The following ADGRB3 variants were observed in gnomAD, a reference collection of about 807,000 sequenced individuals.
ADGRB3 encodes the protein adhesion G protein-coupled receptor B3.
ADGRB3 carries 37 observed loss-of-function variants against 193.4 expected under a neutral mutation model. The ratio of observed to expected loss-of-function variants is 0.19; its 90% CI spans 0.15 to 0.25. The LOEUF is 0.25. ADGRB3 is among the 10% of genes least tolerant of loss of function. The pLI is 1.00. For missense variants in ADGRB3, 1,637 were observed against 1,852.9 expected, an observed-to-expected ratio of 0.88 and a Z score of 2.14; for synonymous variants, 690 against 644.2, an observed-to-expected ratio of 1.07 and a Z score of -1.08.
chr6:68,926,173 A>G (rs1767175276), intron 3 of ADGRB3, among the ~76,000 whole-genome samples: 1 of 152,174 alleles, frequency 6.6e-6, no homozygotes, highest in Admixed American at 6.6e-5. Context: ...TTGATAAATA[A>G]ATATTGAACT....
At chr6:68,847,371 G>A (rs915490178) in intron 3 of ADGRB3, among the ~76,000 whole-genome samples, 25 of 152,096 alleles carry the variant, frequency 1.6e-4, no homozygotes, top group African/African-American at 6.0e-4. Context: ...GATTTGGTGG[G>A]GCCAGGGGTG....
intron 3 of ADGRB3, among the ~76,000 whole-genome samples, chr6:68,899,797 TCAG>T (rs1401956698): frequency 6.6e-6 from 1 of 151,960 alleles, no homozygotes; most frequent in African/African-American, 2.4e-5. Flanking sequence ...ATATTATGTC[TCAG>T]CAGAGAATTT....
chr6:69,191,926 C>A (rs1030249290), intron 17 of ADGRB3, among the ~76,000 whole-genome samples: 1 of 152,060 alleles, frequency 6.6e-6, no homozygotes, highest in Non-Finnish European at 1.5e-5. Flanking sequence ...TTATGTAATT[C>A]TAGAGTAGGC....
intron 10 of ADGRB3, among the ~76,000 whole-genome samples, chr6:68,984,369 G>A (rs1769012380): frequency 6.6e-6 from 1 of 152,008 alleles, no homozygotes; most frequent in African/African-American, 2.4e-5. Flanking sequence ...GAATAATTTG[G>A]GACAGATGAG....
At chr6:68,669,076 A>C (rs1372701715) in intron 3 of ADGRB3, among the ~76,000 whole-genome samples, 1 of 151,956 alleles carries the variant, frequency 6.6e-6, no homozygotes, top group African/African-American at 2.4e-5. Context: ...ATAATTTTTA[A>C]AAAAATGTGT....
intron 3 of ADGRB3, among the ~76,000 whole-genome samples, chr6:68,917,055 A>G (rs958087342): frequency 6.6e-6 from 1 of 152,200 alleles, no homozygotes; most frequent in Non-Finnish European, 1.5e-5. Flanking sequence ...CATTGGTCCA[A>G]GTGATAGAGG....
At chr6:68,873,382 G>A (rs1471566149) in intron 3 of ADGRB3, among the ~76,000 whole-genome samples, 2 of 152,066 alleles carry the variant, frequency 1.3e-5, no homozygotes, top group Non-Finnish European at 2.9e-5. Context: ...CATATTTCAT[G>A]TATTTTTCTC....
chr6:69,138,588 G>A (rs1774220358), intron 17 of ADGRB3, among the ~76,000 whole-genome samples: 2 of 152,234 alleles, frequency 1.3e-5, no homozygotes, highest in Non-Finnish European at 2.9e-5. Context: ...AAAGGAAATT[G>A]GCTCAATGTC....
intron 3 of ADGRB3, among the ~76,000 whole-genome samples, chr6:68,834,645 A>G (rs550577816): frequency 3.5e-4 from 54 of 152,210 alleles, no homozygotes; most frequent in African/African-American, 1.2e-3. Context: ...TCAACTCGAT[A>G]TTTCTCCAGC....
chr6:68,829,187 C>T (rs560152862), intron 3 of ADGRB3, among the ~76,000 whole-genome samples: 2 of 147,454 alleles, frequency 1.4e-5, no homozygotes, highest in South Asian at 4.3e-4. Context: ...GAAACCTCTG[C>T]CTCCTGGATT....
chr6:69,154,002 G>A (rs980721036), intron 17 of ADGRB3, among the ~76,000 whole-genome samples: 2 of 151,898 alleles, frequency 1.3e-5, no homozygotes, highest in African/African-American at 4.8e-5. Context: ...CAAAAAAAAA[G>A]AAACATAAGA....
intron 17 of ADGRB3, among the ~76,000 whole-genome samples, chr6:69,206,166 C>T (rs1455371695): frequency 1.3e-5 from 2 of 149,348 alleles, no homozygotes; most frequent in Non-Finnish European, 3.0e-5. Context: ...ACTTTGAGTT[C>T]CAAAATTGAA....
chr6:69,144,980 A>G (rs1774445410), intron 17 of ADGRB3, among the ~76,000 whole-genome samples: 1 of 150,288 alleles, frequency 6.7e-6, no homozygotes, highest in Non-Finnish European at 1.5e-5. Context: ...TCATAGAATG[A>G]GTTTGGAATT....
intron 15 of ADGRB3, among the ~76,000 whole-genome samples, chr6:69,051,569 G>T (rs887890759): frequency 2.6e-5 from 4 of 152,136 alleles, no homozygotes; most frequent in African/African-American, 9.7e-5. Flanking sequence ...CTCTTAGAAA[G>T]GTGAAGTACT....
chr6:68,927,205 C>T (rs776382038), intron 3 of ADGRB3, among the ~76,000 whole-genome samples: 23 of 152,140 alleles, frequency 1.5e-4, no homozygotes, highest in Non-Finnish European at 2.6e-4. Context: ...CATTTGATTT[C>T]ATAACTTGCT....
chr6:68,923,135 G>T (rs1767089653), intron 3 of ADGRB3, among the ~76,000 whole-genome samples: 1 of 152,026 alleles, frequency 6.6e-6, no homozygotes, highest in South Asian at 2.1e-4. Context: ...CATTAAATGT[G>T]TATAAAAGAT....
chr6:69,210,446 G>A (rs759405931), intron 17 of ADGRB3, among the ~76,000 whole-genome samples: 5 of 151,938 alleles, frequency 3.3e-5, no homozygotes, highest in East Asian at 1.9e-4. Context: ...GTCTTTCCCC[G>A]CCTACGGACT....
chr6:69,346,713 G>T (rs1048904906), intron 26 of ADGRB3, among the ~76,000 whole-genome samples: 3 of 152,214 alleles, frequency 2.0e-5, no homozygotes, highest in Admixed American at 6.5e-5. Flanking sequence ...ACAGATGCTG[G>T]AGAGGATGTG....
chr6:68,844,423 T>A (rs1380770477), intron 3 of ADGRB3, among the ~76,000 whole-genome samples: 1 of 152,056 alleles, frequency 6.6e-6, no homozygotes, highest in African/African-American at 2.4e-5. Flanking sequence ...GAGAGAAATG[T>A]GAATGAAAGC....
Sources: allele counts gnomAD v4.1 joint callset (sites outside exome capture counted in the v4.1 genomes callset), GRCh38; gene constraint gnomAD v4.1.1; transcripts MANE v1.5; gene names NCBI Gene and HGNC (gene_info 2026-07-23, HGNC 2026-07-21).